The following KCNN2 variants were observed in gnomAD, a reference collection of about 807,000 sequenced individuals.
KCNN2 encodes the protein potassium calcium-activated channel subfamily N member 2, also known as small conductance calcium-activated potassium channel protein 2.
A neutral mutation model predicts 55.5 loss-of-function variants in KCNN2; 24 were observed. The ratio of observed to expected loss-of-function variants is 0.43; its 90% confidence interval spans 0.31 to 0.61. The LOEUF (loss-of-function observed/expected upper bound fraction) is 0.61, where lower values mean the gene tolerates loss of function less well. Ranked by LOEUF, KCNN2 falls within the 20% of genes least tolerant of loss-of-function variation. The pLI, the probability that KCNN2 is intolerant of heterozygous loss-of-function variation, is 0.08. For synonymous variants in KCNN2, 431 were observed against 336.1 expected, an observed-to-expected ratio of 1.28 and a Z score of -3.09; for missense variants, 754 against 853.6, an observed-to-expected ratio of 0.88 and a Z score of 1.45.
intron 1 of KCNN2, among the ~76,000 whole-genome samples, chr5:114,199,780 A>G (rs73779744): frequency 0.01 from 1,548 of 152,194 alleles, 21 homozygotes; most frequent in African/African-American, 0.035. Context: ...TTCTGGCAGT[A>G]TACAAAATTC....
At chr5:114,160,501 C>G (rs1282239849) in intron 1 of KCNN2, among the ~76,000 whole-genome samples, 7 of 152,230 alleles carry the variant, frequency 4.6e-5, no homozygotes, top group African/African-American at 1.7e-4. Context: ...GTGGAGAGTT[C>G]TGTAGATGTC....
intron 1 of KCNN2, among the ~76,000 whole-genome samples, chr5:114,057,591 T>C (rs1487643358): frequency 2.0e-5 from 3 of 152,160 alleles, no homozygotes; most frequent in Non-Finnish European, 4.4e-5. Flanking sequence ...GTATTTCAGT[T>C]GAGGGAGACA....
chr5:114,103,041 T>C (rs1296498381), intron 1 of KCNN2, among the ~76,000 whole-genome samples: 2 of 152,228 alleles, frequency 1.3e-5, no homozygotes, highest in African/African-American at 2.4e-5. Flanking sequence ...ATGGCCATTT[T>C]CACGATATTG....
intron 5 of KCNN2, among the ~76,000 whole-genome samples, chr5:114,480,098 TTAAAA>T (rs974103126): frequency 4.7e-5 from 7 of 148,862 alleles, no homozygotes; most frequent in African/African-American, 1.5e-4. Context: ...TTTGAAAAAA[TTAAAA>T]TAAATAGATA....
chr5:114,318,557 AATG>A (rs928954559), intron 2 of KCNN2, among the ~76,000 whole-genome samples: 6 of 151,414 alleles, frequency 4.0e-5, no homozygotes, highest in Admixed American at 6.6e-5. Flanking sequence ...TTATCATAAC[AATG>A]ATAATATCAT....
intron 3 of KCNN2, among the ~76,000 whole-genome samples, chr5:114,452,805 G>A (rs1024857910): frequency 2.6e-5 from 4 of 152,156 alleles, no homozygotes; most frequent in African/African-American, 4.8e-5. Flanking sequence ...TAAGAGACAC[G>A]TTAGCTCTTT....
intron 1 of KCNN2, among the ~76,000 whole-genome samples, chr5:114,120,384 T>C (rs1336522721): frequency 1.3e-5 from 2 of 152,196 alleles, no homozygotes; most frequent in South Asian, 2.1e-4. Flanking sequence ...GGGTCAGCGC[T>C]GAGGATCTTA....
intron 2 of KCNN2, among the ~76,000 whole-genome samples, chr5:114,275,209 T>C (rs777777891): frequency 4.6e-5 from 7 of 152,190 alleles, no homozygotes; most frequent in Admixed American, 3.9e-4. Flanking sequence ...GGATAAGCTT[T>C]TTGATGTGCT....
chr5:114,177,684 A>G (rs1753164390), intron 1 of KCNN2, among the ~76,000 whole-genome samples: 1 of 152,026 alleles, frequency 6.6e-6, no homozygotes, highest in Non-Finnish European at 1.5e-5. Flanking sequence ...GCATTTTTAT[A>G]GAGTACTTTA....
chr5:114,247,384 T>C (rs1754768951), intron 2 of KCNN2, among the ~76,000 whole-genome samples: 1 of 152,082 alleles, frequency 6.6e-6, no homozygotes, highest in Non-Finnish European at 1.5e-5. Flanking sequence ...TTCCTTTAGA[T>C]TAAAATGTAT....
intron 4 of KCNN2, among the ~76,000 whole-genome samples, chr5:114,472,461 C>G (rs1396384251): frequency 6.6e-6 from 1 of 152,148 alleles, no homozygotes; most frequent in Admixed American, 6.5e-5. Flanking sequence ...AATGGTTACC[C>G]CTTACCTTCA....
At chr5:114,202,808 G>A (rs191099840) in intron 1 of KCNN2, among the ~76,000 whole-genome samples, 5 of 151,760 alleles carry the variant, frequency 3.3e-5, no homozygotes, top group African/African-American at 7.3e-5. Context: ...GGATGGTCTC[G>A]GTCTCCTGAC....
chr5:114,121,710 C>T (rs1235420313), intron 1 of KCNN2, among the ~76,000 whole-genome samples: 1 of 152,202 alleles, frequency 6.6e-6, no homozygotes, highest in Non-Finnish European at 1.5e-5. Flanking sequence ...AATGGGTCCT[C>T]CCAGCTGATA....
At chr5:114,402,463 T>C (rs1330853045) in intron 2 of KCNN2, among the ~76,000 whole-genome samples, 4 of 152,174 alleles carry the variant, frequency 2.6e-5, no homozygotes, top group African/African-American at 9.7e-5. Context: ...TTGTAGACTC[T>C]ACTGAGAGAA....
Position 114,170,034 on chromosome 5 carries a change from C to G in KCNN2, c.-270-51446C>G, listed in dbSNP as rs190686357. On this transcript the variant is annotated intron_variant, in intron 1 of 10. Coordinates refer to the KCNN2 transcript ENST00000512097. ...GAAAGATGATTCTTCTTCTTCCCTA[C>G]TTAGTATGTTATATTGTCACTAGGA... 1.5e-4 allele frequency among the ~76,000 whole-genome samples: 23 copies of G among 152,092 alleles called. No individual in the cohort carries two copies. In the East Asian group the frequency reaches 4.1e-3, roughly 27 times the overall value.
chr5:114,125,864 C>G (rs906002505), intron 1 of KCNN2, among the ~76,000 whole-genome samples: 2 of 152,106 alleles, frequency 1.3e-5, no homozygotes, highest in African/African-American at 4.8e-5. Flanking sequence ...TGGGGCCCAT[C>G]CTAATGCTTC....
intron 1 of KCNN2, among the ~76,000 whole-genome samples, chr5:114,175,254 C>A (rs1175538044): frequency 6.6e-6 from 1 of 152,016 alleles, no homozygotes; most frequent in Non-Finnish European, 1.5e-5. Context: ...TATAACTTGC[C>A]ACGTATATGT....
chr5:114,480,107 A>G (rs754955611), intron 5 of KCNN2, among the ~76,000 whole-genome samples: 1 of 152,006 alleles, frequency 6.6e-6, no homozygotes, highest in Non-Finnish European at 1.5e-5. Flanking sequence ...ATTAAAATAA[A>G]TAGATAGACC....
chr5:114,272,428 C>T (rs3112762), intron 2 of KCNN2, among the ~76,000 whole-genome samples: 2,271 of 20,146 alleles, frequency 0.11, 510 homozygotes, highest in African/African-American at 0.13. Context: ...CACATATGTA[C>T]GTACATATCA....
Sources: allele counts gnomAD v4.1 joint callset (sites outside exome capture counted in the v4.1 genomes callset), GRCh38; gene constraint gnomAD v4.1.1; transcripts MANE v1.5; gene names NCBI Gene and HGNC (gene_info 2026-07-23, HGNC 2026-07-21).